The following PTPRJ variants were observed in gnomAD, a reference collection of about 807,000 sequenced individuals.
PTPRJ encodes receptor-type tyrosine-protein phosphatase eta.
Under a neutral mutation model 141.3 loss-of-function variants are expected in PTPRJ, and 129 were observed. The observed-to-expected ratio is 0.91, with a 90% CI of 0.79 to 1.06. The LOEUF (loss-of-function observed/expected upper bound fraction) is 1.06. PTPRJ is among the 50% of genes least tolerant of loss of function. The probability of loss-of-function intolerance (pLI) is 0.00; values close to 1 mark genes in which losing one functional copy is unlikely to be tolerated. For synonymous variants in PTPRJ, 610 were observed against 640.5 expected, an observed-to-expected ratio of 0.95 and a Z score of 0.72; for missense variants, 1,601 against 1,679.7, an observed-to-expected ratio of 0.95 and a Z score of 0.82.
intron 1 of PTPRJ, among the ~76,000 whole-genome samples, chr11:48,020,067 C>T (rs768463506): frequency 2.5e-4 from 38 of 152,118 alleles, no homozygotes; most frequent in Admixed American, 2.4e-3. Flanking sequence ...AGTATTTATA[C>T]GGAACTTATA....
At chr11:48,030,649 A>T (rs1228046) in intron 1 of PTPRJ, among the ~76,000 whole-genome samples, 7,589 of 152,280 alleles carry the variant, frequency 0.05, 620 homozygotes, top group African/African-American at 0.17. Flanking sequence ...GAGCTGAGGC[A>T]GGAGGATCGC....
chr11:48,079,388 G>A (rs752819459), intron 1 of PTPRJ, among the ~76,000 whole-genome samples: 7 of 152,038 alleles, frequency 4.6e-5, no homozygotes, highest in Non-Finnish European at 7.4e-5. Flanking sequence ...GCGTGGAAGG[G>A]TGAAAGGGTT....
chr11:48,135,606 C>G (rs192826499), intron 8 of PTPRJ, among the ~76,000 whole-genome samples: 2 of 151,824 alleles, frequency 1.3e-5, no homozygotes, highest in East Asian at 3.9e-4. Flanking sequence ...CCCAGCCTCC[C>G]GAGTAGCTGG....
At chr11:48,091,433 T>G (rs1001516938) in intron 1 of PTPRJ, among the ~76,000 whole-genome samples, 3 of 152,170 alleles carry the variant, frequency 2.0e-5, no homozygotes, top group African/African-American at 7.2e-5. Flanking sequence ...AAAGTGTGTG[T>G]GTATATTTAA....
At chr11:48,095,289 G>T (rs1439521343) in intron 1 of PTPRJ, among the ~76,000 whole-genome samples, 1 of 152,212 alleles carries the variant, frequency 6.6e-6, no homozygotes, top group Non-Finnish European at 1.5e-5. Context: ...AAGAAAGATG[G>T]ACTGGACTTA....
intron 18 of PTPRJ, among the ~76,000 whole-genome samples, chr11:48,152,115 C>T (rs1158553297): frequency 6.6e-6 from 1 of 152,168 alleles, no homozygotes; most frequent in Non-Finnish European, 1.5e-5. Context: ...CCTGTTGTTT[C>T]CTGACTTTTT....
chr11:48,006,720 G>A (rs1397168124), intron 1 of PTPRJ, among the ~76,000 whole-genome samples: 1 of 152,116 alleles, frequency 6.6e-6, no homozygotes, highest in Non-Finnish European at 1.5e-5. Context: ...TTGCCTATCT[G>A]GGCCTGTCTC....
At chr11:48,104,044 G>T (rs1856226614) in intron 1 of PTPRJ, among the ~76,000 whole-genome samples, 1 of 152,236 alleles carries the variant, frequency 6.6e-6, no homozygotes, top group African/African-American at 2.4e-5. Context: ...CCTGATGACA[G>T]CATGAAGTTC....
intron 1 of PTPRJ, among the ~76,000 whole-genome samples, chr11:48,087,343 G>A (rs1855743840): frequency 6.6e-6 from 1 of 152,244 alleles, no homozygotes; most frequent in African/African-American, 2.4e-5. Flanking sequence ...CCTTCAATGA[G>A]AATATGTCCT....
At chr11:48,153,097 G>A (rs2134378368) in intron 18 of PTPRJ, among the ~76,000 whole-genome samples, 1 of 152,274 alleles carries the variant, frequency 6.6e-6, no homozygotes, top group African/African-American at 2.4e-5. Flanking sequence ...GCCAATCACT[G>A]AGATGACAAA....
chr11:48,022,443 A>C (rs909427157), intron 1 of PTPRJ, among the ~76,000 whole-genome samples: 8 of 151,864 alleles, frequency 5.3e-5, no homozygotes, highest in Admixed American at 3.9e-4. Flanking sequence ...CAGCCTGAGT[A>C]ACACGAGCAA....
chr11:48,071,839 T>G (rs12015137), intron 1 of PTPRJ, among the ~76,000 whole-genome samples: 3,484 of 150,048 alleles, frequency 0.023, 152 homozygotes, highest in African/African-American at 0.081. Flanking sequence ...CTTGACCTCA[T>G]GATCTACCTG....
intron 1 of PTPRJ, among the ~76,000 whole-genome samples, chr11:47,993,909 A>G (rs1854263311): frequency 1.3e-5 from 2 of 151,572 alleles, no homozygotes; most frequent in African/African-American, 4.9e-5. Flanking sequence ...GCCCACTGCA[A>G]GCTCTGCCTC....
intron 1 of PTPRJ, among the ~76,000 whole-genome samples, chr11:48,053,864 C>T (rs1854676365): frequency 6.7e-6 from 1 of 149,712 alleles, no homozygotes; most frequent in African/African-American, 2.5e-5. Flanking sequence ...CATGAGCCAC[C>T]GTGCCTGGCC....
At chr11:48,045,259 G>A (rs1296363947) in intron 1 of PTPRJ, among the ~76,000 whole-genome samples, 1 of 152,070 alleles carries the variant, frequency 6.6e-6, no homozygotes, top group East Asian at 1.9e-4. Context: ...CAGGTTTTGG[G>A]AACCACCTGG....
At chr11:48,103,958 C>T (rs1183643925) in intron 1 of PTPRJ, among the ~76,000 whole-genome samples, 1 of 152,224 alleles carries the variant, frequency 6.6e-6, no homozygotes, top group Non-Finnish European at 1.5e-5. Flanking sequence ...GGTTGGTTCT[C>T]GTTCCTTCCA....
chr11:48,006,361 C>T (rs537249967), intron 1 of PTPRJ, among the ~76,000 whole-genome samples: 2 of 151,996 alleles, frequency 1.3e-5, no homozygotes, highest in Non-Finnish European at 2.9e-5. Context: ...TCTGCTAGAA[C>T]CTGCAGAGCT....
intron 18 of PTPRJ, among the ~76,000 whole-genome samples, chr11:48,151,952 G>A (rs1356131310): frequency 6.6e-6 from 1 of 152,184 alleles, no homozygotes; most frequent in Admixed American, 6.5e-5. Flanking sequence ...AATCCTTTGG[G>A]TATATACCCA....
intron 1 of PTPRJ, among the ~76,000 whole-genome samples, chr11:47,997,048 C>A (rs1050666578): frequency 1.6e-4 from 24 of 152,222 alleles, no homozygotes; most frequent in African/African-American, 5.5e-4. Flanking sequence ...AGGACAACTT[C>A]TTTTCCTCCA....
Sources: gnomAD v4.1 joint callset for allele counts (sites outside exome capture counted in the v4.1 genomes callset) on GRCh38, gnomAD v4.1.1 for gene constraint, MANE v1.5 for transcripts, NCBI Gene and HGNC (gene_info 2026-07-23, HGNC 2026-07-21) for gene names.